The following AKAP19 variants were observed in gnomAD, a reference collection of about 807,000 sequenced individuals.
The protein encoded by AKAP19 is small A-kinase anchoring protein.
chr2:189,958,459 G>T, the AKAP19 span, among the ~76,000 whole-genome samples: 1 of 150,050 alleles, frequency 6.7e-6, no homozygotes, highest in South Asian at 2.1e-4. Flanking sequence ...AAAATAATTT[G>T]ACATAAATAA....
At chr2:190,080,492 G>T in the AKAP19 span, among the ~76,000 whole-genome samples, 3 of 152,184 alleles carry the variant, frequency 2.0e-5, no homozygotes, top group Non-Finnish European at 4.4e-5. Context: ...TTGAAGGATG[G>T]GCAGGAGTTT....
the AKAP19 span, among the ~76,000 whole-genome samples, chr2:190,191,343 C>A: frequency 3.3e-5 from 5 of 152,136 alleles, no homozygotes; most frequent in Non-Finnish European, 5.9e-5. Flanking sequence ...CAGAGTTTCA[C>A]CATGTTGGCC....
the AKAP19 span, among the ~76,000 whole-genome samples, chr2:189,884,929 T>C: frequency 6.6e-6 from 1 of 152,312 alleles, no homozygotes; most frequent in East Asian, 1.9e-4. Flanking sequence ...TGAAATAGAA[T>C]ACAGATAGAT....
the AKAP19 span, among the ~76,000 whole-genome samples, chr2:190,020,293 T>A: frequency 1.3e-5 from 2 of 152,248 alleles, no homozygotes; most frequent in Non-Finnish European, 2.9e-5. Flanking sequence ...ATTTATTTTT[T>A]AAAATAAGTG....
At chr2:190,114,675 C>A in the AKAP19 span, among the ~76,000 whole-genome samples, 1 of 152,174 alleles carries the variant, frequency 6.6e-6, no homozygotes, top group Non-Finnish European at 1.5e-5. Flanking sequence ...CCAGGATGGT[C>A]TCGATCTCCT....
At chr2:190,139,900 C>A in the AKAP19 span, among the ~76,000 whole-genome samples, 1 of 152,124 alleles carries the variant, frequency 6.6e-6, no homozygotes, top group Non-Finnish European at 1.5e-5. Context: ...TGTCCAAGTC[C>A]AAAGTCTCAT....
At chr2:190,139,543 A>G in the AKAP19 span, among the ~76,000 whole-genome samples, 2 of 152,316 alleles carry the variant, frequency 1.3e-5, no homozygotes, top group East Asian at 1.9e-4. Flanking sequence ...GGACACCTAC[A>G]ATCATGGCAG....
chr2:190,117,162 G>T, the AKAP19 span, among the ~76,000 whole-genome samples: 1 of 152,124 alleles, frequency 6.6e-6, no homozygotes, highest in African/African-American at 2.4e-5. Context: ...TATCATGTAG[G>T]CAGCAGTCAG....
chr2:189,972,718 C>G, the AKAP19 span, among the ~76,000 whole-genome samples: 1 of 151,998 alleles, frequency 6.6e-6, no homozygotes, highest in Non-Finnish European at 1.5e-5. Flanking sequence ...AGTTGGATTC[C>G]TAGGTATTTT....
chr2:190,024,233 C>A, the AKAP19 span, among the ~76,000 whole-genome samples: 1 of 151,472 alleles, frequency 6.6e-6, no homozygotes, highest in African/African-American at 2.4e-5. Flanking sequence ...AGCAGTTTGG[C>A]TGGAATGCAC....
chr2:189,910,534 G>T, the AKAP19 span, among the ~76,000 whole-genome samples: 1 of 151,352 alleles, frequency 6.6e-6, no homozygotes, highest in South Asian at 2.1e-4. Flanking sequence ...ATAAGAATTT[G>T]GAATGTGTTC....
At chr2:190,190,121 C>T in the AKAP19 span, 5 of 152,174 alleles carry the variant, frequency 3.3e-5, no homozygotes, top group South Asian at 1.0e-3. Context: ...GTTAAAGGTA[C>T]AATCTAACAT....
At chr2:190,110,992 C>A in the AKAP19 span, among the ~76,000 whole-genome samples, 1 of 152,152 alleles carries the variant, frequency 6.6e-6, no homozygotes, top group South Asian at 2.1e-4. Flanking sequence ...AAGATCAGAA[C>A]TATTTCTTTA....
the AKAP19 span, among the ~76,000 whole-genome samples, chr2:190,114,693 TGATC>T: frequency 6.6e-6 from 1 of 152,174 alleles, no homozygotes; most frequent in Non-Finnish European, 1.5e-5. Flanking sequence ...CCTGACCTCT[TGATC>T]CACCCATCTC....
the AKAP19 span, among the ~76,000 whole-genome samples, chr2:190,160,962 T>C: frequency 6.6e-6 from 1 of 152,188 alleles, no homozygotes; most frequent in Admixed American, 6.5e-5. Flanking sequence ...AGTGTAACTT[T>C]ATATTTGGTC....
chr2:190,124,949 T>A, the AKAP19 span, among the ~76,000 whole-genome samples: 9 of 152,062 alleles, frequency 5.9e-5, 1 homozygote, highest in African/African-American at 2.2e-4. Flanking sequence ...CTACACAGGG[T>A]CAGAATCATC....
the AKAP19 span, among the ~76,000 whole-genome samples, chr2:189,953,011 G>A: frequency 6.6e-6 from 1 of 152,144 alleles, no homozygotes. Flanking sequence ...AAAATAGGAG[G>A]TCAGGTGGCT....
At chr2:189,916,353 G>C in the AKAP19 span, among the ~76,000 whole-genome samples, 2 of 133,038 alleles carry the variant, frequency 1.5e-5, no homozygotes, top group Non-Finnish European at 3.1e-5. Context: ...TTTGGAGACA[G>C]AGCTGTCGCC....
the AKAP19 span, among the ~76,000 whole-genome samples, chr2:190,146,517 A>T: frequency 6.6e-6 from 1 of 152,364 alleles, no homozygotes; most frequent in Non-Finnish European, 1.5e-5. Context: ...GTAGATACCC[A>T]GTAATGGGAT....
Sources: gnomAD v4.1 joint callset for allele counts (sites outside exome capture counted in the v4.1 genomes callset) on GRCh38, gnomAD v4.1.1 for gene constraint, MANE v1.5 for transcripts, NCBI Gene and HGNC (gene_info 2026-07-23, HGNC 2026-07-21) for gene names.